SHISA6: variants seen among roughly 807,000 people sequenced by gnomAD.
The protein encoded by SHISA6 is protein shisa-6.
SHISA6 carries 22 observed loss-of-function variants against 47.9 expected under a neutral mutation model. The observed-to-expected ratio is 0.46, with a 90% CI of 0.33 to 0.66. The LOEUF is 0.66. Ranked by LOEUF, SHISA6 falls within the 30% of genes least tolerant of loss-of-function variation. The pLI is 0.02. For synonymous variants in SHISA6, 388 were observed against 337.8 expected (o/e 1.15, Z -1.63); for missense variants, 680 against 764.6 (o/e 0.89, Z 1.30).
At chr17:11,540,070 C>T (rs571208427) in intron 3 of SHISA6, among the ~76,000 whole-genome samples, 23 of 152,226 alleles carry the variant, frequency 1.5e-4, no homozygotes, top group Non-Finnish European at 2.1e-4. Flanking sequence ...CACATATCTT[C>T]CCACACGTTC....
chr17:11,509,063 AG>A (rs1424271550), intron 3 of SHISA6, among the ~76,000 whole-genome samples: 2 of 152,234 alleles, frequency 1.3e-5, no homozygotes, highest in African/African-American at 4.8e-5. Flanking sequence ...CACTGCATAA[AG>A]CATGGATGGG....
chr17:11,464,171 C>G (rs1344704181), intron 3 of SHISA6, among the ~76,000 whole-genome samples: 1 of 152,176 alleles, frequency 6.6e-6, no homozygotes, highest in Non-Finnish European at 1.5e-5. Context: ...CCTGCCTCGG[C>G]CTCCCAAAGT....
Position 11,559,589 on chromosome 17 carries a change from G to A in SHISA6, c.*1285G>A, listed in dbSNP as rs78497100. 2,002 of 152,740 alleles carry A rather than the reference G, an allele frequency of 0.013. 67 individuals carry two copies. In the East Asian group the frequency reaches 0.16, roughly 12 times the overall value. The allele number at this position is 152,740 out of a possible 1,614,324, so 9.5% of individuals were successfully genotyped here. A position where few individuals can be genotyped will look rare whatever the true frequency, so the allele number is the denominator to read the frequency against. On this transcript the variant is annotated 3_prime_UTR_variant, in exon 6 of 6. Coordinates refer to ENST00000441885, the MANE Select transcript of SHISA6 (RefSeq NM_207386.4). The surrounding 1 kb of genome is among the most constrained non-coding windows in gnomAD (Gnocchi z 4.4). The stretch of plus-strand genomic sequence containing the variant: ...TCCTCCTAGCTGATCCTTCAGATCC[G>A]TGCCTCCTCTGGATCAAAGGGACAA...
At chr17:11,481,346 G>A (rs1285371296) in intron 3 of SHISA6, among the ~76,000 whole-genome samples, 1 of 60,842 alleles carries the variant, frequency 1.6e-5, no homozygotes, top group Non-Finnish European at 3.5e-5. Flanking sequence ...ATGTGTGTGT[G>A]TGTGTGTGTG....
At chr17:11,311,298 A>ACAAC (rs765157168) in intron 2 of SHISA6, among the ~76,000 whole-genome samples, 8 of 133,238 alleles carry the variant, frequency 6.0e-5, no homozygotes, top group African/African-American at 2.3e-4. Context: ...AAAAAAAAAA[A>ACAAC]AACCGACAAA....
At chr17:11,509,889 T>G (rs1406016057) in intron 3 of SHISA6, among the ~76,000 whole-genome samples, 1 of 152,174 alleles carries the variant, frequency 6.6e-6, no homozygotes, top group African/African-American at 2.4e-5. Flanking sequence ...ATGGTCTTAT[T>G]GACCACTTGC....
intron 3 of SHISA6, among the ~76,000 whole-genome samples, chr17:11,383,315 C>T (rs1198846269): frequency 6.6e-6 from 1 of 152,150 alleles, no homozygotes; most frequent in Admixed American, 6.5e-5. Flanking sequence ...GGCTCTTCCA[C>T]TTCAAGGGCC....
At chr17:11,326,560 A>G (rs1283413510) in intron 2 of SHISA6, among the ~76,000 whole-genome samples, 1 of 152,192 alleles carries the variant, frequency 6.6e-6, no homozygotes, top group Admixed American at 6.5e-5. Flanking sequence ...AACCATTCAT[A>G]ATGACATGGC....
intron 2 of SHISA6, among the ~76,000 whole-genome samples, chr17:11,284,347 C>G (rs1909224770): frequency 6.6e-6 from 1 of 152,136 alleles, no homozygotes; most frequent in African/African-American, 2.4e-5. Context: ...TTCCATCATC[C>G]TTACAGGGTT....
At chr17:11,538,337 A>C (rs531402810) in intron 3 of SHISA6, among the ~76,000 whole-genome samples, 16 of 152,314 alleles carry the variant, frequency 1.1e-4, no homozygotes, top group African/African-American at 3.8e-4. Flanking sequence ...CTGGGATTAC[A>C]GGTGTGAGCC....
intron 2 of SHISA6, among the ~76,000 whole-genome samples, chr17:11,282,182 T>G (rs1420564325): frequency 1.3e-5 from 2 of 152,180 alleles, no homozygotes; most frequent in Admixed American, 1.3e-4. Context: ...GTCCCCAAAC[T>G]TAACCTAAGT....
At chr17:11,499,484 A>C (rs1597552945) in intron 3 of SHISA6, among the ~76,000 whole-genome samples, 1 of 151,934 alleles carries the variant, frequency 6.6e-6, no homozygotes, top group Non-Finnish European at 1.5e-5. Context: ...GGCTCCAAAT[A>C]TCTCTCTTCC....
At chr17:11,277,241 T>TTCTCTCTCTCTCTCTCTCTC (rs139388009) in intron 2 of SHISA6, among the ~76,000 whole-genome samples, 4 of 78,152 alleles carry the variant, frequency 5.1e-5, no homozygotes, top group Non-Finnish European at 9.5e-5. Flanking sequence ...CGGTTTCTCT[T>TTCTCTCTCTCTCTCTCTCTC]TCTCTCTCTC....
chr17:11,271,622 T>G (rs1265561568), intron 2 of SHISA6, among the ~76,000 whole-genome samples: 4 of 118,634 alleles, frequency 3.4e-5, no homozygotes, highest in African/African-American at 5.9e-5. Context: ...TTTTTTTTTT[T>G]TTTTTTTTTG....
At chr17:11,366,058 A>G (rs942356545) in intron 2 of SHISA6, among the ~76,000 whole-genome samples, 2 of 152,242 alleles carry the variant, frequency 1.3e-5, no homozygotes, top group Non-Finnish European at 2.9e-5. Context: ...GGAATTTGCT[A>G]TGGCTATAGG....
chr17:11,299,842 G>A (rs554124378), intron 2 of SHISA6, among the ~76,000 whole-genome samples: 1 of 152,200 alleles, frequency 6.6e-6, no homozygotes, highest in African/African-American at 2.4e-5. Context: ...GGTTCCTTTT[G>A]CCATGAAAAG....
At chr17:11,282,312 G>A (rs1909148661) in intron 2 of SHISA6, among the ~76,000 whole-genome samples, 1 of 152,008 alleles carries the variant, frequency 6.6e-6, no homozygotes, top group East Asian at 1.9e-4. Context: ...TTCTAGAGGC[G>A]ATTCAACAAG....
At chr17:11,508,267 T>C (rs2071516738) in intron 3 of SHISA6, among the ~76,000 whole-genome samples, 1 of 152,246 alleles carries the variant, frequency 6.6e-6, no homozygotes, top group Non-Finnish European at 1.5e-5. Context: ...TATTTCTCAC[T>C]GTTCTGGAGT....
intron 2 of SHISA6, among the ~76,000 whole-genome samples, chr17:11,319,618 A>G (rs932430949): frequency 6.6e-6 from 1 of 152,214 alleles, no homozygotes; most frequent in Non-Finnish European, 1.5e-5. Flanking sequence ...CCATCTAAAT[A>G]AGTCATGTTT....
Sources: allele counts gnomAD v4.1 joint callset (sites outside exome capture counted in the v4.1 genomes callset), GRCh38; gene constraint gnomAD v4.1.1; non-coding constraint Gnocchi (gnomAD v3.1); transcripts MANE v1.5; gene names NCBI Gene and HGNC (gene_info 2026-07-23, HGNC 2026-07-21).